Variants in EEPD1 observed in about 807,000 individuals in gnomAD.
The protein encoded by EEPD1 is endonuclease/exonuclease/phosphatase family domain containing 1, also known as endonuclease/exonuclease/phosphatase family domain-containing protein 1.
In EEPD1, 17 loss-of-function variants were observed where a neutral mutation model predicts 46.3. The ratio of observed to expected loss-of-function variants is 0.37; its 90% CI spans 0.25 to 0.55. The LOEUF (loss-of-function observed/expected upper bound fraction) is 0.55, where lower values mean the gene tolerates loss of function less well. Ranked by LOEUF, EEPD1 falls within the 20% of genes least tolerant of loss-of-function variation. EEPD1 has a pLI of 0.83. For missense variants in EEPD1, 673 were observed against 745.6 expected, an observed-to-expected ratio of 0.90 and a Z score of 1.13; for synonymous variants, 313 against 315.6, an observed-to-expected ratio of 0.99 and a Z score of 0.09.
intron 2 of EEPD1, among the ~76,000 whole-genome samples, chr7:36,155,899 G>A (rs1014558939): frequency 6.6e-6 from 1 of 152,138 alleles, no homozygotes; most frequent in Non-Finnish European, 1.5e-5. Flanking sequence ...ACCACAGAGC[G>A]TTTATGTTAT....
rs150945901 is a variant in EEPD1 at position 36,265,191 on chromosome 7, C to T, written c.931-15924C>T. ...CCCTGAGGGTCCATGAGTCCTAATT[C>T]TGTTTAATGTGACAATTCCTGAACA... On this transcript the variant is annotated intron_variant, in intron 3 of 7. Coordinates refer to ENST00000242108, the MANE Select transcript of EEPD1 (RefSeq NM_030636.3). 5.3e-5 allele frequency among the ~76,000 whole-genome samples: 8 copies of T among 152,342 alleles called. No homozygotes were observed. The East Asian group carries it at 1.5e-3, about 29-fold the overall frequency.
In EEPD1 at chr7:36,153,310, G is replaced by A. The variant is rs981735283; in HGVS notation, c.-557G>A. The A allele has an allele frequency of 6.6e-6, 1 of 152,348 alleles. No homozygotes were observed. The highest frequency in any genetic ancestry group is 1.5e-5 in the Non-Finnish European group (1 of 68,190). 9.4% of individuals were successfully genotyped at this position (152,348 alleles called of 1,614,324 possible). ...AGCCGTGCGGCTGGTGCTGGGTCTG[G>A]ACTGGCTCTGGCGGATCCCCGCCCG... On this transcript the variant is annotated 5_prime_UTR_variant, in exon 1 of 8. Coordinates refer to ENST00000242108, the MANE Select transcript of EEPD1 (RefSeq NM_030636.3).
intron 2 of EEPD1, among the ~76,000 whole-genome samples, chr7:36,220,070 C>T (rs954891218): frequency 6.6e-6 from 1 of 151,958 alleles, no homozygotes; most frequent in African/African-American, 2.4e-5. Flanking sequence ...CAGGTGAGGT[C>T]GTGGAGGATG....
intron 2 of EEPD1, among the ~76,000 whole-genome samples, chr7:36,175,425 T>A (rs1785160649): frequency 6.6e-6 from 1 of 152,002 alleles, no homozygotes; most frequent in Non-Finnish European, 1.5e-5. Flanking sequence ...AGAGATGAGG[T>A]CTCACCATGT....
At chr7:36,184,878 G>A (rs886617461) in intron 2 of EEPD1, among the ~76,000 whole-genome samples, 2 of 152,110 alleles carry the variant, frequency 1.3e-5, no homozygotes, top group South Asian at 2.1e-4. Context: ...CTACAGGCAC[G>A]TGCCACCATA....
At chr7:36,255,544 G>T (rs561550011) in intron 3 of EEPD1, among the ~76,000 whole-genome samples, 49 of 152,146 alleles carry the variant, frequency 3.2e-4, no homozygotes, top group African/African-American at 1.2e-3. Context: ...ACTTCTTCCT[G>T]GTTTAGTCTT....
chr7:36,154,217 C>T lies in EEPD1; in HGVS notation c.-108C>T. The T allele has an allele frequency of 7.3e-7, 1 of 1,375,328 alleles. No individual in the cohort carries two copies. Among genetic ancestry groups the T allele is most frequent in the East Asian group, 2.5e-5 (1 of 40,008 alleles). 85.2% of individuals were successfully genotyped at this position (1,375,328 alleles called of 1,614,324 possible). ...TAGTAACCTCTTCAGTCCCTGAATC[C>T]TGCACCTTCCGTTTTTCTGTGCTTG... On this transcript the variant is annotated 5_prime_UTR_variant, in exon 2 of 8. Coordinates refer to ENST00000242108, the MANE Select transcript of EEPD1 (RefSeq NM_030636.3). The surrounding 1 kb of genome is among the most constrained non-coding windows in gnomAD (Gnocchi z 4.2).
intron 3 of EEPD1, among the ~76,000 whole-genome samples, chr7:36,270,833 C>T (rs1364677509): frequency 6.6e-6 from 1 of 152,082 alleles, no homozygotes; most frequent in Non-Finnish European, 1.5e-5. Context: ...AATAAGATTG[C>T]TGGGTCAAAT....
intron 6 of EEPD1, among the ~76,000 whole-genome samples, chr7:36,290,382 A>G (rs916246708): frequency 6.6e-6 from 1 of 152,010 alleles, no homozygotes; most frequent in Non-Finnish European, 1.5e-5. Context: ...CCCTGCTTGT[A>G]ACTAGTACCC....
intron 5 of EEPD1, among the ~76,000 whole-genome samples, chr7:36,285,663 G>A (rs959168374): frequency 6.6e-6 from 1 of 152,172 alleles, no homozygotes; most frequent in Admixed American, 6.5e-5. Context: ...AGCAGGTCCG[G>A]TGCCTTGGAG....
At chr7:36,262,841 G>A (rs1308299821) in intron 3 of EEPD1, among the ~76,000 whole-genome samples, 1 of 152,118 alleles carries the variant, frequency 6.6e-6, no homozygotes, top group Admixed American at 6.5e-5. Context: ...GTGTTTATCT[G>A]TTGGGAGACT....
intron 4 of EEPD1, 42 bp downstream of exon 4, chr7:36,281,267 T>G (rs754844279): frequency 6.5e-7 from 1 of 1,549,272 alleles, no homozygotes. Context: ...TTCATTTAAT[T>G]TATACATACT....
chr7:36,153,284 G>A lies in EEPD1; in HGVS notation c.-583G>A. On this transcript the variant is annotated 5_prime_UTR_variant, in exon 1 of 8. Transcript: ENST00000242108. ...TGGCTTTGACACCGACTGCGAGCGG[G>A]AGCCGTGCGGCTGGTGCTGGGTCTG... 1 of 152,492 alleles carries A rather than the reference G, an allele frequency of 6.6e-6. No individual in the cohort carries two copies. Among genetic ancestry groups the A allele is most frequent in the South Asian group, 2.1e-4 (1 of 4,840 alleles). 9.4% of individuals were successfully genotyped at this position (152,492 alleles called of 1,614,324 possible). A position where few individuals can be genotyped will look rare whatever the true frequency, so the allele number is the denominator to read the frequency against.
At chr7:36,188,774 T>C (rs1022133825) in intron 2 of EEPD1, among the ~76,000 whole-genome samples, 2 of 152,152 alleles carry the variant, frequency 1.3e-5, no homozygotes, top group African/African-American at 2.4e-5. Context: ...AATTGAGCTC[T>C]GAACTATGTG....
chr7:36,232,459 C>G (rs1056117453), intron 2 of EEPD1, among the ~76,000 whole-genome samples: 4 of 151,898 alleles, frequency 2.6e-5, no homozygotes, highest in Non-Finnish European at 5.9e-5. Flanking sequence ...CCGCCTCGGC[C>G]TCCTGAAGTG....
chr7:36,242,161 C>A (rs1173483814), intron 3 of EEPD1, among the ~76,000 whole-genome samples: 1 of 152,026 alleles, frequency 6.6e-6, no homozygotes, highest in African/African-American at 2.4e-5. Flanking sequence ...TGAAACTATT[C>A]TAATTCTTAA....
intron 3 of EEPD1, among the ~76,000 whole-genome samples, chr7:36,250,773 A>G (rs77720143): frequency 0.011 from 1,685 of 152,304 alleles, 27 homozygotes; most frequent in African/African-American, 0.039. Flanking sequence ...CTCTCCACAT[A>G]TAGAGGTACT....
intron 2 of EEPD1, among the ~76,000 whole-genome samples, chr7:36,175,469 C>T (rs1209777566): frequency 8.6e-5 from 13 of 151,792 alleles, no homozygotes; most frequent in African/African-American, 2.7e-4. Context: ...TGGGTTCAAG[C>T]GATCCTCCCA....
In EEPD1 at chr7:36,287,523, G is replaced by A. The variant is rs1041247963; in HGVS notation, c.1177-116G>A. Reference sequence around the variant, plus strand: ...TTTCCTGGGGGTGTGAGCCAGCCTTGTTCTTGTTTACCATTGTCAACTCTG... The same window carrying A: ...TTTCCTGGGGGTGTGAGCCAGCCTTATTCTTGTTTACCATTGTCAACTCTG... On this transcript the variant is annotated intron_variant, in intron 5 of 7. Transcript: ENST00000242108. The A allele has an allele frequency of 1.4e-5, 20 of 1,457,896 alleles. No homozygotes were observed. In the African/African-American group the frequency reaches 2.4e-4, roughly 18 times the overall value. 90.3% of individuals were successfully genotyped at this position (1,457,896 alleles called of 1,614,324 possible). A position where few individuals can be genotyped will look rare whatever the true frequency, so the allele number is the denominator to read the frequency against.
Sources: gnomAD v4.1 joint callset for allele counts (sites outside exome capture counted in the v4.1 genomes callset) on GRCh38, gnomAD v4.1.1 for gene constraint, Gnocchi (gnomAD v3.1) non-coding constraint, MANE v1.5 for transcripts, NCBI Gene and HGNC (gene_info 2026-07-23, HGNC 2026-07-21) for gene names.